GHR: variants seen among roughly 807,000 people sequenced by gnomAD.
GHR encodes the protein growth hormone receptor, also known as GH receptor.
In GHR, 35 loss-of-function variants were observed where a neutral mutation model predicts 67.1. The ratio of observed to expected loss-of-function variants is 0.52; its 90% CI spans 0.40 to 0.69. The LOEUF (loss-of-function observed/expected upper bound fraction) is 0.69. GHR is among the 30% of genes least tolerant of loss of function. GHR has a pLI of 0.00. For missense variants in GHR, 792 were observed against 764.6 expected (o/e 1.04, Z -0.42); for synonymous variants, 272 against 269.1 (o/e 1.01, Z -0.10).
chr5:42,642,613 C>T (rs1358939307), intron 3 of GHR, among the ~76,000 whole-genome samples: 3 of 152,130 alleles, frequency 2.0e-5, no homozygotes, highest in Non-Finnish European at 4.4e-5. Context: ...AGTAAATACA[C>T]ATGCAGGACC....
intron 4 of GHR, among the ~76,000 whole-genome samples, chr5:42,693,314 G>A (rs1278856161): frequency 3.9e-5 from 6 of 151,944 alleles, no homozygotes; most frequent in African/African-American, 1.4e-4. Flanking sequence ...GCTAATTTTT[G>A]TATTTTTAGT....
At chr5:42,476,832 C>G (rs1273479591) in intron 1 of GHR, among the ~76,000 whole-genome samples, 2 of 151,820 alleles carry the variant, frequency 1.3e-5, no homozygotes, top group Non-Finnish European at 2.9e-5. Context: ...TTTTTGCCTT[C>G]TACTCCATCT....
intron 1 of GHR, among the ~76,000 whole-genome samples, chr5:42,562,602 CTATGGACA>C (rs1561123988): frequency 7.3e-6 from 1 of 137,294 alleles, no homozygotes; most frequent in Non-Finnish European, 1.6e-5. Context: ...AGAGCACATT[CTATGGACA>C]TATGTTCAGC....
At chr5:42,682,609 T>G (rs759756619) in intron 3 of GHR, among the ~76,000 whole-genome samples, 7 of 152,104 alleles carry the variant, frequency 4.6e-5, no homozygotes, top group Non-Finnish European at 8.8e-5. Flanking sequence ...TGACAGGATG[T>G]GATTAAGGAG....
At chr5:42,640,718 A>G (rs1169904710) in intron 3 of GHR, among the ~76,000 whole-genome samples, 2 of 152,068 alleles carry the variant, frequency 1.3e-5, no homozygotes, top group Admixed American at 1.3e-4. Flanking sequence ...ATAAATATTC[A>G]GTGTTTCATA....
At chr5:42,679,763 A>T (rs1195553461) in intron 3 of GHR, among the ~76,000 whole-genome samples, 1 of 152,202 alleles carries the variant, frequency 6.6e-6, no homozygotes, top group Non-Finnish European at 1.5e-5. Flanking sequence ...AGTGAGAATA[A>T]TAGTACCTAA....
In GHR at chr5:42,643,741, C is replaced by T. The variant is rs547843192; in HGVS notation, c.136+14638C>T. Among the ~76,000 whole-genome samples, 3 of 149,004 alleles carry T rather than the reference C, an allele frequency of 2.0e-5. No individual in the cohort carries two copies. In the South Asian group the frequency reaches 6.3e-4, roughly 31 times the overall value. On this transcript the variant is annotated intron_variant, in intron 3 of 9. Transcript: ENST00000230882. ...ATGCCTTTTTTTTTTTCCCTGAAAA[C>T]AGCCCAGAATATCTGAAAAGGGAGA...
intron 8 of GHR, chr5:42,714,250 CT>C (rs1402393128): frequency 6.6e-6 from 1 of 152,146 alleles, no homozygotes; most frequent in Non-Finnish European, 1.5e-5. Flanking sequence ...AATCTTGTTG[CT>C]TCTCCTAGAA....
At position 42,699,986 on chromosome 5, in the gene GHR, A is replaced by G. The variant is rs760622127; in HGVS notation, c.602A>G (p.Glu201Gly). ...GAACTTCAATACAAAGAAGTAAATG[A>G]AACTAAATGGAAAATGGTAAGATGT... is the stretch of plus-strand genomic sequence containing the variant. ...EYELQYKEVNETKWKMMDPIL... is the reference protein window; with the variant it reads ...EYELQYKEVNGTKWKMMDPIL... Residue 201 changes from glutamate (E) to glycine (G), a missense_variant, in exon 6 of 10, where the codon GAA (glutamate) becomes GGA (glycine). Transcript: ENST00000230882. 145 of 1,597,274 alleles carry G rather than the reference A, an allele frequency of 9.1e-5. No homozygotes were observed. The highest frequency in any genetic ancestry group is 1.2e-4 in the Non-Finnish European group (139 of 1,164,912).
chr5:42,672,013 G>GCCATCTGT (rs904954440), intron 3 of GHR, among the ~76,000 whole-genome samples: 9 of 149,252 alleles, frequency 6.0e-5, no homozygotes, highest in Non-Finnish European at 3.0e-5. Flanking sequence ...AATAGTAAGA[G>GCCATCTGT]CCATCTGTGA....
intron 2 of GHR, among the ~76,000 whole-genome samples, chr5:42,627,065 A>G (rs1458899023): frequency 6.6e-6 from 1 of 152,072 alleles, no homozygotes; most frequent in South Asian, 2.1e-4. Context: ...TCAAATTACG[A>G]CTGTGTTTAT....
At chr5:42,579,201 CAGAT>C (rs1424219601) in intron 2 of GHR, among the ~76,000 whole-genome samples, 2 of 132,872 alleles carry the variant, frequency 1.5e-5, no homozygotes, top group Non-Finnish European at 1.6e-5. Flanking sequence ...GATAGATAGA[CAGAT>C]AGATAGATAT....
intron 1 of GHR, among the ~76,000 whole-genome samples, chr5:42,520,993 T>C (rs533976052): frequency 4.9e-4 from 74 of 152,314 alleles, no homozygotes; most frequent in African/African-American, 1.7e-3. Context: ...TCACTGTTTT[T>C]CTTTAAACTT....
intron 1 of GHR, among the ~76,000 whole-genome samples, chr5:42,431,309 G>T (rs928615614): frequency 6.6e-5 from 10 of 152,022 alleles, no homozygotes; most frequent in African/African-American, 2.4e-4. Context: ...CTCTTTTGTT[G>T]TTGTTTTTTT....
intron 1 of GHR, among the ~76,000 whole-genome samples, chr5:42,527,058 T>G (rs1303502230): frequency 6.6e-6 from 1 of 152,186 alleles, no homozygotes; most frequent in African/African-American, 2.4e-5. Context: ...CAGACCTCCC[T>G]TATAAGAGAT....
At chr5:42,571,249 A>G (rs1750293181) in intron 2 of GHR, among the ~76,000 whole-genome samples, 1 of 152,184 alleles carries the variant, frequency 6.6e-6, no homozygotes, top group South Asian at 2.1e-4. Context: ...CTTCTTTTGT[A>G]CTATTTCTCT....
intron 2 of GHR, among the ~76,000 whole-genome samples, chr5:42,616,085 T>G (rs1477839379): frequency 6.6e-6 from 1 of 152,034 alleles, no homozygotes; most frequent in Non-Finnish European, 1.5e-5. Context: ...TTGGGGATCT[T>G]GGTGGCCATG....
rs556025808 is a variant in GHR at position 42,456,935 on chromosome 5, G to A, written c.-12+32980G>A. 3.9e-5 allele frequency among the ~76,000 whole-genome samples: 6 copies of A among 152,276 alleles called. No individual in the cohort carries two copies. The East Asian group carries it at 1.2e-3, about 29-fold the overall frequency. ...GGCTAAGAGGGAGGGAGGCGGAAGA[G>A]GACTTAATTCATTTTCTGGGCATTT... On this transcript the variant is annotated intron_variant, in intron 1 of 9. Transcript: ENST00000230882.
intron 2 of GHR, among the ~76,000 whole-genome samples, chr5:42,610,956 T>C (rs1265010013): frequency 6.6e-6 from 1 of 152,122 alleles, no homozygotes; most frequent in East Asian, 1.9e-4. Flanking sequence ...ATAGGAGGCT[T>C]GAGAGATGCA....
Sources: gnomAD v4.1 joint callset for allele counts (sites outside exome capture counted in the v4.1 genomes callset) on GRCh38, gnomAD v4.1.1 for gene constraint, MANE v1.5 for transcripts, NCBI Gene and HGNC (gene_info 2026-07-23, HGNC 2026-07-21) for gene names.